Variants in ST6GALNAC3 observed in about 807,000 individuals in gnomAD.
ST6GALNAC3 encodes the protein ST6 N-acetylgalactosaminide alpha-2,6-sialyltransferase 3.
ST6GALNAC3 carries 25 observed loss-of-function variants against 32.7 expected under a neutral mutation model. That is an observed-to-expected ratio of 0.76 (90% CI 0.56 to 1.07). The LOEUF (loss-of-function observed/expected upper bound fraction) is 1.07. Ranked by LOEUF, ST6GALNAC3 falls within the 50% of genes least tolerant of loss-of-function variation. The probability of loss-of-function intolerance (pLI) is 0.00; values close to 1 mark genes in which losing one functional copy is unlikely to be tolerated. For missense variants in ST6GALNAC3, 355 were observed against 382.4 expected (o/e 0.93, Z 0.60); for synonymous variants, 129 against 133.1 (o/e 0.97, Z 0.21).
chr1:76,518,156 A>G (rs1454063823), intron 3 of ST6GALNAC3, among the ~76,000 whole-genome samples: 1 of 151,942 alleles, frequency 6.6e-6, no homozygotes, highest in Non-Finnish European at 1.5e-5. Flanking sequence ...AGTTGACCTT[A>G]TATTTTTGAT....
At chr1:76,083,546 T>C (rs1041444119) in intron 1 of ST6GALNAC3, among the ~76,000 whole-genome samples, 1 of 152,232 alleles carries the variant, frequency 6.6e-6, no homozygotes, top group Non-Finnish European at 1.5e-5. Context: ...TTGTGATTAA[T>C]ATGAATAAAA....
intron 2 of ST6GALNAC3, among the ~76,000 whole-genome samples, chr1:76,342,929 T>G (rs1025762098): frequency 1.3e-5 from 2 of 152,078 alleles, no homozygotes; most frequent in African/African-American, 4.8e-5. Context: ...TATTTGTGGT[T>G]TTTTTCTTGT....
At chr1:76,113,515 A>G (rs1476894200) in intron 1 of ST6GALNAC3, among the ~76,000 whole-genome samples, 1 of 150,300 alleles carries the variant, frequency 6.7e-6, no homozygotes, top group Non-Finnish European at 1.5e-5. Context: ...TTTTTGGTTT[A>G]TTTTGTTTTT....
chr1:76,107,940 G>T lies in ST6GALNAC3; in HGVS notation c.18+33056G>T, dbSNP rs534870333. Among the ~76,000 whole-genome samples, 228 of 152,262 alleles carry T rather than the reference G, an allele frequency of 1.5e-3. 1 individual carries two copies. The highest frequency in any genetic ancestry group is 2.8e-3 in the Non-Finnish European group (192 of 68,020). The stretch of plus-strand genomic sequence containing the variant: ...GACATTTATATTTCCTGGCATTGAG[G>T]CTATAGATCTCTAATACTTGAATTG... On this transcript the variant is annotated intron_variant, in intron 1 of 4. Transcript: ENST00000328299.
At chr1:76,527,182 C>T (rs995684177) in intron 3 of ST6GALNAC3, among the ~76,000 whole-genome samples, 5 of 152,010 alleles carry the variant, frequency 3.3e-5, no homozygotes, top group Admixed American at 6.6e-5. Context: ...CCCCAGGTTT[C>T]GCGTTGGTGA....
intron 3 of ST6GALNAC3, among the ~76,000 whole-genome samples, chr1:76,603,750 A>G (rs1321229168): frequency 2.6e-5 from 4 of 152,182 alleles, no homozygotes; most frequent in Non-Finnish European, 4.4e-5. Context: ...ACAGCTCACT[A>G]CAGCCTGGAA....
chr1:76,544,020 C>T (rs1664145749), intron 3 of ST6GALNAC3, among the ~76,000 whole-genome samples: 1 of 151,540 alleles, frequency 6.6e-6, no homozygotes, highest in African/African-American at 2.4e-5. Flanking sequence ...AGATATAGCC[C>T]ATGACCTCAA....
chr1:76,571,066 C>G (rs189793997), intron 3 of ST6GALNAC3, among the ~76,000 whole-genome samples: 1 of 152,188 alleles, frequency 6.6e-6, no homozygotes, highest in Admixed American at 6.6e-5. Flanking sequence ...ATGGATGAGG[C>G]TTCTATCCAG....
At chr1:76,145,716 T>C (rs1650641204) in intron 1 of ST6GALNAC3, among the ~76,000 whole-genome samples, 1 of 152,204 alleles carries the variant, frequency 6.6e-6, no homozygotes, top group African/African-American at 2.4e-5. Flanking sequence ...GGAGAGTAAA[T>C]TCTATATGTG....
At chr1:76,360,887 C>G (rs1464847082) in intron 2 of ST6GALNAC3, among the ~76,000 whole-genome samples, 1 of 152,100 alleles carries the variant, frequency 6.6e-6, no homozygotes, top group Non-Finnish European at 1.5e-5. Flanking sequence ...CCTTTCCTTT[C>G]ATGTATTCCT....
intron 1 of ST6GALNAC3, among the ~76,000 whole-genome samples, chr1:76,117,819 T>C (rs2100826564): frequency 6.6e-6 from 1 of 152,342 alleles, no homozygotes; most frequent in East Asian, 1.9e-4. Context: ...TGTGTGGGAA[T>C]TCCACCTCTG....
intron 3 of ST6GALNAC3, among the ~76,000 whole-genome samples, chr1:76,510,577 T>C (rs1472347207): frequency 1.3e-5 from 2 of 152,188 alleles, no homozygotes; most frequent in African/African-American, 2.4e-5. Context: ...CAGACAGTTA[T>C]ATGGTGTTTC....
chr1:76,210,396 G>C lies in ST6GALNAC3; in HGVS notation c.19-103409G>C, dbSNP rs370348732. ...AGTTATAGTACATTTCTATTTAGCAGGTGTTTCCTGTGGTTGCCTTTTGTT... is the reference window on the plus strand; with the variant it reads ...AGTTATAGTACATTTCTATTTAGCACGTGTTTCCTGTGGTTGCCTTTTGTT... On this transcript the variant is annotated intron_variant, in intron 1 of 4. Coordinates refer to ENST00000328299, the MANE Select transcript of ST6GALNAC3 (RefSeq NM_152996.4). 2.2e-4 allele frequency among the ~76,000 whole-genome samples: 33 copies of C among 152,216 alleles called. No individual in the cohort carries two copies. The East Asian group carries it at 4.2e-3, about 20-fold the overall frequency.
At position 76,633,545 on chromosome 1, in the gene ST6GALNAC3, G is replaced by C. The variant is rs529770297; in HGVS notation, c.*4739G>C. Reference sequence around the variant, plus strand: ...TGAGCAAGCCATTGATACACCAAGAGCTGCTGAGTGTTGGAGGTTGCCTGG... The same window carrying C: ...TGAGCAAGCCATTGATACACCAAGACCTGCTGAGTGTTGGAGGTTGCCTGG... On this transcript the variant is annotated 3_prime_UTR_variant, in exon 5 of 5. Coordinates refer to ENST00000328299, the MANE Select transcript of ST6GALNAC3 (RefSeq NM_152996.4). The C allele has an allele frequency of 1.3e-5, 2 of 152,316 alleles. No individual in the cohort carries two copies. The highest frequency in any genetic ancestry group is 4.1e-4 in the South Asian group (2 of 4,830). The allele number at this position is 152,316 out of a possible 1,614,324, so 9.4% of individuals were successfully genotyped here.
intron 3 of ST6GALNAC3, among the ~76,000 whole-genome samples, chr1:76,444,623 T>G (rs1182876298): frequency 2.0e-5 from 3 of 152,198 alleles, no homozygotes; most frequent in African/African-American, 7.2e-5. Flanking sequence ...CAGACACCAT[T>G]GAGTACCTAG....
At chr1:76,116,531 G>T (rs1336050440) in intron 1 of ST6GALNAC3, among the ~76,000 whole-genome samples, 3 of 152,130 alleles carry the variant, frequency 2.0e-5, no homozygotes, top group Non-Finnish European at 2.9e-5. Flanking sequence ...ATTCCTTGGG[G>T]GTGTTGGAAT....
chr1:76,580,958 G>C (rs1646883779), intron 3 of ST6GALNAC3, among the ~76,000 whole-genome samples: 1 of 152,020 alleles, frequency 6.6e-6, no homozygotes, highest in African/African-American at 2.4e-5. Context: ...GGAGTGTTAT[G>C]GGATTTTATG....
chr1:76,522,363 A>G (rs534644810), intron 3 of ST6GALNAC3, among the ~76,000 whole-genome samples: 1 of 152,016 alleles, frequency 6.6e-6, no homozygotes, highest in East Asian at 1.9e-4. Context: ...TTTTGCCATT[A>G]TCTCTTCAAA....
At chr1:76,219,883 G>C (rs189439303) in intron 1 of ST6GALNAC3, among the ~76,000 whole-genome samples, 1 of 152,072 alleles carries the variant, frequency 6.6e-6, no homozygotes, top group Non-Finnish European at 1.5e-5. Context: ...CGAGGGGAGC[G>C]GTTCTGGATC....
Sources: allele counts gnomAD v4.1 joint callset (sites outside exome capture counted in the v4.1 genomes callset), GRCh38; gene constraint gnomAD v4.1.1; transcripts MANE v1.5; gene names NCBI Gene and HGNC (gene_info 2026-07-23, HGNC 2026-07-21).